EZR: variants seen among roughly 807,000 people sequenced by gnomAD.
The protein encoded by EZR is cytovillin 2.
A neutral mutation model predicts 74.8 loss-of-function variants in EZR; 40 were observed. That is an observed-to-expected ratio of 0.53 (90% CI 0.42 to 0.70). The LOEUF (loss-of-function observed/expected upper bound fraction) is 0.70. Among genes scored for constraint, EZR ranks in the 30% least tolerant of loss-of-function variants. The pLI, the probability that EZR is intolerant of heterozygous loss-of-function variation, is 0.00. For synonymous variants in EZR, 341 were observed against 283.3 expected, an observed-to-expected ratio of 1.20 and a Z score of -2.05; for missense variants, 678 against 755.8, an observed-to-expected ratio of 0.90 and a Z score of 1.21.
Position 158,770,795 on chromosome 6 carries a change from G to C in EZR, c.1059C>G (p.Asp353Glu), listed in dbSNP as rs1373282111. Residue 353 changes from aspartate to glutamate, a missense_variant, in exon 10 of 14, where the codon GAC becomes GAG. Physicochemically the swap from Asp to Glu is conservative, Grantham distance 45 (BLOSUM62 2). Around this residue, in one of 3 missense-constraint regions of EZR, gnomAD observed 342 missense variants for 341.2 expected, o/e 1.00. Coordinates refer to ENST00000367075, the MANE Select transcript of EZR (RefSeq NM_001111077.2). The stretch of plus-strand genomic sequence containing the variant: ...CTGCCTTCTTTGTCTTCTCCTCATA[G>C]TCCTGCAGCCGCAGCATCAACTCCT... ...EKEELMLRLQ[D>E]YEEKTKKAER... 1 of 1,614,134 alleles carries C rather than the reference G, an allele frequency of 6.2e-7. No individual in the cohort carries two copies. The highest frequency in any genetic ancestry group is 1.1e-5 in the South Asian group (1 of 91,076).
At chr6:158,818,031 T>C (rs1457180734) in intron 2 of EZR, 51 bp downstream of exon 2, 1 of 1,586,722 alleles carries the variant, frequency 6.3e-7, no homozygotes, top group Non-Finnish European at 8.6e-7. Context: ...GTGCCTCCCC[T>C]CTCCAATGAA....
At chr6:158,795,476 T>C (rs1253428787) in intron 2 of EZR, among the ~76,000 whole-genome samples, 2 of 152,154 alleles carry the variant, frequency 1.3e-5, no homozygotes, top group African/African-American at 4.8e-5. Flanking sequence ...GAACTTACTA[T>C]ACTACAGGAT....
chr6:158,795,283 C>A (rs111709554), intron 2 of EZR, among the ~76,000 whole-genome samples: 381 of 151,850 alleles, frequency 2.5e-3, no homozygotes, highest in African/African-American at 8.6e-3. Context: ...ATAAATAATT[C>A]TATTTGTTGG....
At chr6:158,806,785 T>C (rs1777349194) in intron 2 of EZR, among the ~76,000 whole-genome samples, 1 of 152,182 alleles carries the variant, frequency 6.6e-6, no homozygotes. Context: ...TTCTCACCAT[T>C]ATCTGTCTAA....
At chr6:158,809,933 T>TA (rs1188812135) in intron 2 of EZR, among the ~76,000 whole-genome samples, 1 of 152,210 alleles carries the variant, frequency 6.6e-6, no homozygotes, top group Non-Finnish European at 1.5e-5. Flanking sequence ...GATGATAGTT[T>TA]ACCTACCCCA....
intron 8 of EZR, among the ~76,000 whole-genome samples, chr6:158,774,573 TA>T (rs1791211329): frequency 6.6e-6 from 1 of 151,616 alleles, no homozygotes; most frequent in African/African-American, 2.4e-5. Flanking sequence ...GAGGCTACTC[TA>T]TAATAAAGGC....
chr6:158,770,021 C>G lies in EZR; in HGVS notation c.1091-77G>C, dbSNP rs114011064. On this transcript the variant is annotated intron_variant, in intron 10 of 13. Coordinates refer to ENST00000367075, the MANE Select transcript of EZR (RefSeq NM_001111077.2). ...GAGCCCTCGCTTTCCATTCCCACCC[C>G]CAAAGCCACAGAGCCCTAGACCAAG... 488 of 1,571,352 alleles carry G rather than the reference C, an allele frequency of 3.1e-4. 1 individual carries two copies. The African/African-American group carries it at 5.1e-3, about 17-fold the overall frequency.
At chr6:158,806,530 CT>C (rs1777344448) in intron 2 of EZR, among the ~76,000 whole-genome samples, 1 of 146,494 alleles carries the variant, frequency 6.8e-6, no homozygotes, top group Non-Finnish European at 1.5e-5. Flanking sequence ...CATTATTTCA[CT>C]TGTAAAAACT....
chr6:158,784,601 G>A (rs1355360706), intron 6 of EZR, 43 bp downstream of exon 6: 5 of 1,537,134 alleles, frequency 3.3e-6, no homozygotes, highest in Admixed American at 3.3e-5. Flanking sequence ...ATGCTGGAGC[G>A]CACGGAGATG....
chr6:158,800,274 A>G (rs546197208), intron 2 of EZR, among the ~76,000 whole-genome samples: 2 of 152,342 alleles, frequency 1.3e-5, no homozygotes, highest in East Asian at 3.9e-4. Context: ...CTGACCTGAC[A>G]GTATACTTGG....
chr6:158,785,290 C>T lies in EZR; in HGVS notation c.467+19G>A, dbSNP rs1406330085. The T allele has an allele frequency of 9.9e-6, 16 of 1,609,578 alleles. No homozygotes were observed. In the East Asian group the frequency reaches 1.3e-4, roughly 13 times the overall value. ...ACGGCATGACTGCTCCTGCCCAGGC[C>T]GGGTCATCCTGTGCTCACCTTTGAG... On this transcript the variant is annotated intron_variant, in intron 5 of 13. Coordinates refer to ENST00000367075, the MANE Select transcript of EZR (RefSeq NM_001111077.2).
intron 8 of EZR, among the ~76,000 whole-genome samples, chr6:158,772,210 CCACA>C (rs555899871): frequency 6.1e-4 from 93 of 152,392 alleles, no homozygotes; most frequent in African/African-American, 2.2e-3. Context: ...AGGGCAGGGG[CCACA>C]CATTCACTCA....
At chr6:158,785,742 G>C (rs909550810) in intron 4 of EZR, among the ~76,000 whole-genome samples, 159 bp from the exon 5 acceptor site, 3 of 152,138 alleles carry the variant, frequency 2.0e-5, no homozygotes, top group African/African-American at 7.2e-5. Flanking sequence ...ACAAAAAAAG[G>C]TTAGTCAAAA....
chr6:158,814,386 G>GACTGCATCAC (rs1218567881), intron 2 of EZR, among the ~76,000 whole-genome samples: 12 of 26,026 alleles, frequency 4.6e-4, no homozygotes, highest in Non-Finnish European at 1.0e-3. Flanking sequence ...TTTTCCTCTC[G>GACTGCATCAC]ACGTTACCTA....
At position 158,771,281 on chromosome 6, in the gene EZR, G is replaced by A. The variant is rs1368776508; in HGVS notation, c.922C>T (p.Gln308Ter). Reference sequence around the variant, plus strand: ...TTCTGATGCTTCTCCTCCCGGGCCTGGGCCTTCATCTGCTGCACCTCGATG... The same window carrying A: ...TTCTGATGCTTCTCCTCCCGGGCCTAGGCCTTCATCTGCTGCACCTCGATG... ...DTIEVQQMKA[Q>*]AREEKHQKQL... Residue 308 changes from glutamine (Q) to a stop codon, truncating the protein, a stop_gained, in exon 9 of 14, where the codon CAG becomes TAG. Coordinates refer to ENST00000367075, the MANE Select transcript of EZR (RefSeq NM_001111077.2). LOFTEE classifies it high-confidence loss of function. The A allele has an allele frequency of 6.2e-7, 1 of 1,614,154 alleles. No individual in the cohort carries two copies. The highest frequency in any genetic ancestry group is 8.5e-7 in the Non-Finnish European group (1 of 1,180,004).
At chr6:158,783,970 ATCC>A (rs1159363443) in intron 6 of EZR, among the ~76,000 whole-genome samples, 3 of 152,162 alleles carry the variant, frequency 2.0e-5, no homozygotes, top group Non-Finnish European at 2.9e-5. Flanking sequence ...ACTCAGCACA[ATCC>A]TCCTTTTTCT....
rs2128566007 is a variant in EZR at position 158,770,765 on chromosome 6, T to C, written c.1089A>G (p.Arg363=). 1.2e-6 allele frequency: 2 copies of C among 1,614,108 alleles called. No homozygotes were observed. The highest frequency in any genetic ancestry group is 2.2e-5 in the South Asian group (2 of 91,070). ...AGTGCCAGCCCCAGGGCGCCTGACC[T>C]CTCTCTGCCTTCTTTGTCTTCTCCT... ...DYEEKTKKAE[R]ELSEQIQRAL... Residue 363 remains arginine, a splice_region_variant and synonymous_variant, in exon 10 of 14, where the codon AGA becomes AGG. Transcript: ENST00000367075.
intron 2 of EZR, among the ~76,000 whole-genome samples, chr6:158,801,375 CCT>C (rs1777183206): frequency 6.6e-6 from 1 of 152,038 alleles, no homozygotes; most frequent in South Asian, 2.1e-4. Flanking sequence ...GCATGAGAAC[CCT>C]GTCTCCAAAA....
chr6:158,782,096 T>C lies in EZR; in HGVS notation c.698+1424A>G, dbSNP rs183691015. On this transcript the variant is annotated intron_variant, in intron 7 of 13. Transcript: ENST00000367075. ...TTTACCAATGCTGCATCCAGCACACTTGGAGTAGGAGCGAACCGAGAGTCC... is the reference window on the plus strand; with the variant it reads ...TTTACCAATGCTGCATCCAGCACACCTGGAGTAGGAGCGAACCGAGAGTCC... Among the ~76,000 whole-genome samples the C allele has an allele frequency of 2.0e-5, 3 of 152,228 alleles. No individual in the cohort carries two copies. In the East Asian group the frequency reaches 5.8e-4, roughly 29 times the overall value.
Sources: allele counts gnomAD v4.1 joint callset (sites outside exome capture counted in the v4.1 genomes callset), GRCh38; gene constraint gnomAD v4.1.1; regional missense constraint gnomAD v4.1.1; transcripts MANE v1.5; gene names NCBI Gene and HGNC (gene_info 2026-07-23, HGNC 2026-07-21).